KLRG1: variants seen among roughly 807,000 people sequenced by gnomAD.
The protein encoded by KLRG1 is killer cell lectin-like receptor subfamily G member 1.
KLRG1 carries 16 observed loss-of-function variants against 21.8 expected under a neutral mutation model. The observed-to-expected ratio is 0.73, with a 90% CI of 0.50 to 1.11. The LOEUF is 1.11. Ranked by LOEUF, KLRG1 falls within the 50% of genes most tolerant of loss-of-function variation. The pLI is 0.00. For missense variants in KLRG1, 173 were observed against 218.3 expected (o/e 0.79, Z 1.31); for synonymous variants, 69 against 75.9 (o/e 0.91, Z 0.47).
the KLRG1 span, among the ~76,000 whole-genome samples, chr12:9,165,781 G>A: frequency 6.6e-6 from 1 of 152,138 alleles, no homozygotes; most frequent in Non-Finnish European, 1.5e-5. Flanking sequence ...CTCCCTGAAC[G>A]ACATTAAGCA....
the KLRG1 span, chr12:9,098,805 C>A: frequency 6.3e-7 from 1 of 1,592,936 alleles, no homozygotes; most frequent in South Asian, 1.1e-5. Context: ...CAGGTTTACC[C>A]ATGCATTCAC....
the KLRG1 span, among the ~76,000 whole-genome samples, chr12:9,177,647 A>C: frequency 1.3e-5 from 2 of 152,198 alleles, no homozygotes; most frequent in African/African-American, 4.8e-5. Flanking sequence ...AACATGTATT[A>C]TTTATATTGG....
At chr12:9,202,253 C>G in the KLRG1 span, 9 of 1,371,366 alleles carry the variant, frequency 6.6e-6, no homozygotes, top group Non-Finnish European at 9.3e-6. Flanking sequence ...TTGTACCTTT[C>G]TACCTCACTC....
intron 1 of KLRG1, among the ~76,000 whole-genome samples, chr12:8,954,035 G>A (rs1346192006): frequency 6.6e-6 from 1 of 152,154 alleles, no homozygotes; most frequent in Non-Finnish European, 1.5e-5. Flanking sequence ...GAGCCTTTTA[G>A]TGGTGCCTCC....
At chr12:9,211,552 A>G in the KLRG1 span, among the ~76,000 whole-genome samples, 75 of 152,214 alleles carry the variant, frequency 4.9e-4, no homozygotes, top group African/African-American at 1.7e-3. Context: ...AGCATCTTTA[A>G]GATGATTATT....
the KLRG1 span, among the ~76,000 whole-genome samples, chr12:9,047,529 A>T: frequency 1.3e-5 from 2 of 152,216 alleles, no homozygotes; most frequent in Non-Finnish European, 2.9e-5. Context: ...AAAACAATTA[A>T]AATAAGGTAG....
intron 1 of KLRG1, among the ~76,000 whole-genome samples, chr12:8,974,604 C>G (rs1946626800): frequency 6.6e-6 from 1 of 152,054 alleles, no homozygotes; most frequent in African/African-American, 2.4e-5. Flanking sequence ...TTGCTACATG[C>G]TTTTTCTGCA....
chr12:9,095,885 G>A, the KLRG1 span, among the ~76,000 whole-genome samples: 6 of 148,554 alleles, frequency 4.0e-5, no homozygotes, highest in East Asian at 1.2e-3. Flanking sequence ...TCAGCCTCCC[G>A]AGTAGCTGGG....
At chr12:9,034,609 G>T in the KLRG1 span, among the ~76,000 whole-genome samples, 1 of 152,022 alleles carries the variant, frequency 6.6e-6, no homozygotes, top group Admixed American at 6.6e-5. Context: ...ACCATGCCCG[G>T]CTAATTTTTT....
chr12:9,016,698 T>C, the KLRG1 span, among the ~76,000 whole-genome samples: 2 of 152,188 alleles, frequency 1.3e-5, no homozygotes, highest in Non-Finnish European at 2.9e-5. Context: ...CTACAACCTC[T>C]GCCTCCTGGG....
the KLRG1 span, among the ~76,000 whole-genome samples, chr12:9,081,309 A>T: frequency 6.6e-6 from 1 of 152,222 alleles, no homozygotes; most frequent in Non-Finnish European, 1.5e-5. Context: ...GCAAAAATTA[A>T]AATTAAAAAC....
At chr12:9,018,801 TA>T in the KLRG1 span, among the ~76,000 whole-genome samples, 1 of 151,804 alleles carries the variant, frequency 6.6e-6, no homozygotes, top group African/African-American at 2.4e-5. Context: ...ACAACTTAAA[TA>T]AAAGACTTCA....
At chr12:9,034,588 AG>A in the KLRG1 span, among the ~76,000 whole-genome samples, 1 of 151,976 alleles carries the variant, frequency 6.6e-6, no homozygotes, top group Non-Finnish European at 1.5e-5. Context: ...TGGGATTTAC[AG>A]GCATGCGCCA....
At chr12:9,027,868 C>A in the KLRG1 span, 1 of 902,078 alleles carries the variant, frequency 1.1e-6, no homozygotes, top group South Asian at 1.3e-5. Context: ...CCAAAACCAC[C>A]TCCATGACCA....
At chr12:8,965,250 G>A (rs1946448723) in intron 1 of KLRG1, among the ~76,000 whole-genome samples, 1 of 152,132 alleles carries the variant, frequency 6.6e-6, no homozygotes, top group Admixed American at 6.6e-5. Flanking sequence ...GGCAAAAACT[G>A]GAAGCATTCC....
At chr12:9,072,635 C>T in the KLRG1 span, 2 of 1,613,140 alleles carry the variant, frequency 1.2e-6, no homozygotes, top group Non-Finnish European at 8.5e-7. Context: ...CCTGTCCTCA[C>T]CTGCCCAAGA....
chr12:8,985,701 G>A (rs1259612321), upstream of KLRG1, among the ~76,000 whole-genome samples: 2 of 152,302 alleles, frequency 1.3e-5, no homozygotes, highest in South Asian at 4.1e-4. Flanking sequence ...GAAGAGAACT[G>A]TAGGGCAGGG....
the KLRG1 span, among the ~76,000 whole-genome samples, chr12:9,075,998 C>T: frequency 2.0e-5 from 3 of 152,150 alleles, no homozygotes; most frequent in African/African-American, 7.2e-5. Context: ...TAATGGACAT[C>T]TTGTGATTTG....
At chr12:9,021,872 AC>A in the KLRG1 span, among the ~76,000 whole-genome samples, 65 of 152,150 alleles carry the variant, frequency 4.3e-4, no homozygotes, top group African/African-American at 1.5e-3. Context: ...TTCTTCTGCA[AC>A]ACCTCCTAAA....
Sources: gnomAD v4.1 joint callset for allele counts (sites outside exome capture counted in the v4.1 genomes callset) on GRCh38, gnomAD v4.1.1 for gene constraint, MANE v1.5 for transcripts, NCBI Gene and HGNC (gene_info 2026-07-23, HGNC 2026-07-21) for gene names.